Variants in PRR16 observed in about 807,000 individuals in gnomAD.
PRR16 encodes protein Largen.
PRR16 carries 6 observed loss-of-function variants against 18.2 expected under a neutral mutation model. The ratio of observed to expected loss-of-function variants is 0.33; its 90% CI spans 0.18 to 0.65. The LOEUF is 0.65. Among genes scored for constraint, PRR16 ranks in the 30% least tolerant of loss-of-function variants. The probability of loss-of-function intolerance (pLI) is 0.74; values close to 1 mark genes in which losing one functional copy is unlikely to be tolerated. For missense variants in PRR16, 412 were observed against 376.6 expected (o/e 1.09, Z -0.78); for synonymous variants, 151 against 147.8 (o/e 1.02, Z -0.16).
intron 1 of PRR16, among the ~76,000 whole-genome samples, chr5:120,586,059 G>A (rs1485452657): frequency 6.6e-6 from 1 of 151,882 alleles, no homozygotes; most frequent in East Asian, 1.9e-4. Flanking sequence ...TGTAGTCCCA[G>A]CTACTCAGGA....
In PRR16 at chr5:120,622,558, A is replaced by C. The variant is rs111785130; in HGVS notation, c.160-63396A>C. Among the ~76,000 whole-genome samples the C allele has an allele frequency of 6.0e-3, 917 of 152,124 alleles. 5 individuals carry two copies. Among genetic ancestry groups the C allele is most frequent in the African/African-American group, 0.021 (883 of 41,508 alleles). ...CAATGGCATGATCTTGGCTCACTGC[A>C]ACCTCCACCTCCTGGGTTTAAGTGA... On this transcript the variant is annotated intron_variant, in intron 1 of 1. Coordinates refer to ENST00000407149, the MANE Select transcript of PRR16 (RefSeq NM_001300783.2).
intron 1 of PRR16, among the ~76,000 whole-genome samples, chr5:120,664,345 C>G (rs1210342960): frequency 3.3e-5 from 5 of 151,626 alleles, no homozygotes; most frequent in African/African-American, 1.2e-4. Flanking sequence ...ATCCTTATCT[C>G]GTGCTGCAAT....
intron 1 of PRR16, among the ~76,000 whole-genome samples, chr5:120,519,550 G>A (rs1177304802): frequency 1.3e-5 from 2 of 152,028 alleles, no homozygotes; most frequent in Non-Finnish European, 2.9e-5. Context: ...GAGTAATCCT[G>A]TATTACTTCA....
chr5:120,788,010 T>G, the PRR16 span, among the ~76,000 whole-genome samples: 1 of 151,950 alleles, frequency 6.6e-6, no homozygotes, highest in Admixed American at 6.6e-5. Context: ...TCCCTCTGCT[T>G]GAAATACCCT....
the PRR16 span, among the ~76,000 whole-genome samples, chr5:120,707,816 C>A: frequency 6.6e-6 from 1 of 152,094 alleles, no homozygotes; most frequent in Non-Finnish European, 1.5e-5. Context: ...TTAAGGGAAA[C>A]ACAGTATGAA....
At chr5:120,612,495 A>G (rs558443547) in intron 1 of PRR16, among the ~76,000 whole-genome samples, 1 of 152,270 alleles carries the variant, frequency 6.6e-6, no homozygotes, top group Admixed American at 6.5e-5. Context: ...AGTCTTTCCC[A>G]TGCTATTCTC....
chr5:120,493,077 A>C (rs1489442255), intron 1 of PRR16, among the ~76,000 whole-genome samples: 1 of 152,216 alleles, frequency 6.6e-6, no homozygotes, highest in African/African-American at 2.4e-5. Flanking sequence ...GATACAGAGC[A>C]GCAGAGTTGC....
intron 1 of PRR16, among the ~76,000 whole-genome samples, chr5:120,604,345 T>C (rs1214301943): frequency 1.3e-5 from 2 of 152,250 alleles, no homozygotes; most frequent in East Asian, 3.9e-4. Flanking sequence ...CGATGTAGTT[T>C]GTTTTGTCTG....
chr5:120,576,010 A>G (rs1181295891), intron 1 of PRR16, among the ~76,000 whole-genome samples: 1 of 152,280 alleles, frequency 6.6e-6, no homozygotes, highest in East Asian at 1.9e-4. Flanking sequence ...ATCCCTCACC[A>G]TATACAAAAA....
At chr5:120,485,550 G>T (rs992852891) in intron 1 of PRR16, among the ~76,000 whole-genome samples, 1 of 152,170 alleles carries the variant, frequency 6.6e-6, no homozygotes, top group Non-Finnish European at 1.5e-5. Flanking sequence ...AAGCAATGAC[G>T]TATTGTGCAC....
the PRR16 span, among the ~76,000 whole-genome samples, chr5:120,725,182 G>A: frequency 6.6e-6 from 1 of 151,998 alleles, no homozygotes; most frequent in African/African-American, 2.4e-5. Flanking sequence ...CTTGGAGGCT[G>A]AAGCAGAGTG....
chr5:120,785,794 A>G, the PRR16 span, among the ~76,000 whole-genome samples: 1 of 149,658 alleles, frequency 6.7e-6, no homozygotes, highest in Non-Finnish European at 1.5e-5. Flanking sequence ...CTGGTCTCGA[A>G]CTCCTGACCT....
chr5:120,508,789 G>A (rs1750728001), intron 1 of PRR16, among the ~76,000 whole-genome samples: 2 of 152,014 alleles, frequency 1.3e-5, no homozygotes, highest in Admixed American at 1.3e-4. Flanking sequence ...AAGGACAATA[G>A]CTATCATACA....
chr5:120,677,819 A>G (rs1195254392), intron 1 of PRR16, among the ~76,000 whole-genome samples: 1 of 151,562 alleles, frequency 6.6e-6, no homozygotes, highest in Non-Finnish European at 1.5e-5. Flanking sequence ...ACTTAGTGCT[A>G]TATGGAAATT....
chr5:120,766,570 C>G, the PRR16 span, among the ~76,000 whole-genome samples: 3 of 151,632 alleles, frequency 2.0e-5, no homozygotes, highest in African/African-American at 7.3e-5. Flanking sequence ...TTATTTCTAC[C>G]CACTTTTAAT....
intron 1 of PRR16, among the ~76,000 whole-genome samples, chr5:120,573,715 G>T (rs1367903377): frequency 6.6e-6 from 1 of 152,070 alleles, no homozygotes; most frequent in Non-Finnish European, 1.5e-5. Flanking sequence ...TGTAATAACT[G>T]AGCTAAAGTT....
At chr5:120,644,103 C>T (rs1233680797) in intron 1 of PRR16, among the ~76,000 whole-genome samples, 1 of 152,020 alleles carries the variant, frequency 6.6e-6, no homozygotes, top group Non-Finnish European at 1.5e-5. Context: ...ACTGTTCCTT[C>T]TCTTACTAGC....
At chr5:120,784,545 A>G in the PRR16 span, among the ~76,000 whole-genome samples, 1 of 152,218 alleles carries the variant, frequency 6.6e-6, no homozygotes, top group Non-Finnish European at 1.5e-5. Context: ...TCAACTCACA[A>G]TAATCTATAA....
At chr5:120,722,249 A>G in the PRR16 span, among the ~76,000 whole-genome samples, 1 of 152,048 alleles carries the variant, frequency 6.6e-6, no homozygotes, top group Non-Finnish European at 1.5e-5. Flanking sequence ...GTATTCTTAT[A>G]GAGCCAAGAT....
Sources: gnomAD v4.1 joint callset for allele counts (sites outside exome capture counted in the v4.1 genomes callset) on GRCh38, gnomAD v4.1.1 for gene constraint, MANE v1.5 for transcripts, NCBI Gene and HGNC (gene_info 2026-07-23, HGNC 2026-07-21) for gene names.